Variants in DCAF4 observed in about 807,000 individuals in gnomAD.
The protein encoded by DCAF4 is DDB1 and CUL4 associated factor 4, also known as DDB1- and CUL4-associated factor 4.
DCAF4 carries 37 observed loss-of-function variants against 60.9 expected under a neutral mutation model. The observed-to-expected ratio is 0.61, with a 90% confidence interval of 0.47 to 0.80. The LOEUF (loss-of-function observed/expected upper bound fraction) is 0.80. DCAF4 is among the 30% of genes least tolerant of loss of function. The probability of loss-of-function intolerance (pLI) is 0.00; values close to 1 mark genes in which losing one functional copy is unlikely to be tolerated. For synonymous variants in DCAF4, 243 were observed against 254.8 expected (o/e 0.95, Z 0.44); for missense variants, 577 against 650.0 (o/e 0.89, Z 1.22).
Position 72,958,637 on chromosome 14 carries a change from C to T in DCAF4, c.1320C>T (p.Ile440=). The T allele has an allele frequency of 6.2e-7, 1 of 1,614,208 alleles. No individual in the cohort carries two copies. ...VAVGQDCYTR[I]WSLHDARLLR... ...TGGGCCAGGACTGCTACACGAGAAT[C>T]TGGAGCCTCCACGATGCCCGCCTAC... is the stretch of plus-strand genomic sequence containing the variant. The change falls in exon 14 of 14, where the codon ATC becomes ATT. Residue 440 remains isoleucine, a synonymous_variant. Transcript: ENST00000358377.
In DCAF4 at chr14:72,949,868, C is replaced by G. The variant is rs72734407; in HGVS notation, c.729-1930C>G. On this transcript the variant is annotated intron_variant, in intron 8 of 13. Coordinates refer to ENST00000358377, the MANE Select transcript of DCAF4 (RefSeq NM_015604.4). ...AATATGTGTGGTCATTCAGACAACA[C>G]CTATCGAGTATATGCAGTTGCAAGG... 5.5e-3 allele frequency among the ~76,000 whole-genome samples: 841 copies of G among 152,318 alleles called. 10 individuals are homozygous for G. The highest frequency in any genetic ancestry group is 6.9e-3 in the Non-Finnish European group (471 of 68,040).
rs184655877 is a variant in DCAF4, at chr14:72,940,297, C to A, written c.271C>A (p.Leu91Met). ...LLPGHNNCNP[L>M]TKESIRQKEM... The stretch of plus-strand genomic sequence containing the variant: ...CCCTGGACATAACAACTGCAACCCC[C>A]TGACGAAAGAGAGCATCCGGCAGAA... Residue 91 changes from leucine to methionine, a missense_variant, in exon 4 of 14, where the codon CTG (leucine) becomes ATG (methionine). By Grantham distance (15) the Leu-to-Met change is conservative. Transcript: ENST00000358377. 1 of 1,614,156 alleles carries A rather than the reference C, an allele frequency of 6.2e-7. No homozygotes were observed. The highest frequency in any genetic ancestry group is 8.5e-7 in the Non-Finnish European group (1 of 1,180,032).
intron 2 of DCAF4, 25 bp from the exon 3 acceptor site, chr14:72,939,777 A>G (rs1889771827): frequency 1.1e-5 from 18 of 1,592,088 alleles, no homozygotes; most frequent in East Asian, 4.5e-5. Context: ...CTGGGCTGCA[A>G]GTTAACACAG....
At chr14:72,935,407 A>G (rs997125609) in intron 1 of DCAF4, among the ~76,000 whole-genome samples, 1 of 152,314 alleles carries the variant, frequency 6.6e-6, no homozygotes, top group East Asian at 1.9e-4. Context: ...GGCACCAGCC[A>G]CCACACCCAG....
intron 1 of DCAF4, among the ~76,000 whole-genome samples, chr14:72,928,485 G>T (rs908792406): frequency 6.6e-6 from 1 of 151,188 alleles, no homozygotes; most frequent in Non-Finnish European, 1.5e-5. Flanking sequence ...ATGAGCCACC[G>T]CGCCCGGCCA....
At chr14:72,927,352 T>C (rs1887726842) in intron 1 of DCAF4, among the ~76,000 whole-genome samples, 1 of 5,468 alleles carries the variant, frequency 1.8e-4, no homozygotes, top group African/African-American at 4.3e-4. Context: ...TCTTTTTTTT[T>C]TTTTTTTTTT....
At chr14:72,927,343 CTTTTTT>C (rs547199942) in intron 1 of DCAF4, among the ~76,000 whole-genome samples, 8 of 87,330 alleles carry the variant, frequency 9.2e-5, no homozygotes, top group African/African-American at 2.2e-4. Context: ...CGGTGGTGTT[CTTTTTT>C]TTTTTTTTTT....
chr14:72,954,396 G>C lies in DCAF4; in HGVS notation c.918G>C (p.Arg306=), dbSNP rs373409844. Residue 306 remains arginine, a synonymous_variant, in exon 11 of 14, where the codon CGG becomes CGC. Transcript: ENST00000358377. ...CTCTGTCTCCGCCAGGCTTGTCTCG[G>C]CGGGTCCTGTTGACCAACGTGGTGA... ...ANNCFSTGLS[R]RVLLTNVVTG... is the part of the protein sequence containing the mutation. 3 of 1,613,996 alleles carry C rather than the reference G, an allele frequency of 1.9e-6. No homozygotes were observed. Among genetic ancestry groups the C allele is most frequent in the Admixed American group, 3.3e-5 (2 of 60,002 alleles).
intron 4 of DCAF4, among the ~76,000 whole-genome samples, chr14:72,940,927 G>A (rs1889962474): frequency 6.6e-6 from 1 of 150,820 alleles, no homozygotes; most frequent in African/African-American, 2.4e-5. Flanking sequence ...ATTCCTGAAG[G>A]AATCTTGGGA....
At chr14:72,960,649 A>G (rs1436662841), downstream of DCAF4, 2 of 1,064,044 alleles carry the variant, frequency 1.9e-6, no homozygotes, top group African/African-American at 3.4e-5. Context: ...CATCCTCCAC[A>G]TCTTCAGGAA....
At position 72,936,488 on chromosome 14, in the gene DCAF4, C is replaced by T. The variant is rs575667313; in HGVS notation, c.-8-1483C>T. On this transcript the variant is annotated intron_variant, in intron 1 of 13. Coordinates refer to ENST00000358377, the MANE Select transcript of DCAF4 (RefSeq NM_015604.4). ...CTGAGGCAGGAGAATCGCTTGAACC[C>T]GAGAGGCAGAGGTTGCAGTGAGCTG... 2.8e-4 allele frequency among the ~76,000 whole-genome samples: 42 copies of T among 150,766 alleles called. No homozygotes were observed. The East Asian group carries it at 3.9e-3, about 14-fold the overall frequency.
At chr14:72,951,551 C>T (rs1000390370) in intron 8 of DCAF4, among the ~76,000 whole-genome samples, 2 of 151,988 alleles carry the variant, frequency 1.3e-5, no homozygotes, top group African/African-American at 4.8e-5. Flanking sequence ...GCAGAGGTTG[C>T]GGTAAGCCGA....
At chr14:72,932,335 C>T (rs796086067) in intron 1 of DCAF4, among the ~76,000 whole-genome samples, 11 of 152,254 alleles carry the variant, frequency 7.2e-5, no homozygotes, top group African/African-American at 2.6e-4. Flanking sequence ...ATTTTGGTAA[C>T]AAGGTAATAC....
chr14:72,949,012 C>T (rs1891083046), intron 8 of DCAF4, among the ~76,000 whole-genome samples: 1 of 152,220 alleles, frequency 6.6e-6, no homozygotes, highest in Non-Finnish European at 1.5e-5. Flanking sequence ...TCCTTGCCTT[C>T]CAAACCCAGA....
chr14:72,951,737 T>C (rs1891441742), intron 8 of DCAF4, 61 bp from the exon 9 acceptor site: 1 of 1,538,872 alleles, frequency 6.5e-7, no homozygotes. Context: ...GAAGGGTAAA[T>C]GTCCATGCCT....
rs1890671559 is a variant in DCAF4 at position 72,945,881 on chromosome 14, C to A, written c.535-3C>A. The A allele has an allele frequency of 1.2e-6, 2 of 1,614,074 alleles. No individual in the cohort carries two copies. The highest frequency in any genetic ancestry group is 1.7e-6 in the Non-Finnish European group (2 of 1,180,044). On this transcript the variant is annotated splice_polypyrimidine_tract_variant and splice_region_variant and intron_variant, in intron 6 of 13. Transcript: ENST00000358377. ...TCACCCACTGCCCCCTTCCCTTCTC[C>A]AGGCAGATACCAACAGTGACCGGCT...
intron 4 of DCAF4, chr14:72,940,587 A>ATTTTTT: frequency 3.0e-6 from 1 of 337,480 alleles, no homozygotes; most frequent in African/African-American, 2.6e-5. Flanking sequence ...TTGTTCGATA[A>ATTTTTT]GTTGTTTTTT....
chr14:72,950,034 C>T (rs1271254093), intron 8 of DCAF4, among the ~76,000 whole-genome samples: 1 of 152,084 alleles, frequency 6.6e-6, no homozygotes, highest in African/African-American at 2.4e-5. Context: ...TGGGAGAAAG[C>T]TTGGTATGTT....
intron 3 of DCAF4, 69 bp from the exon 4 acceptor site, chr14:72,940,151 C>T: frequency 6.3e-7 from 1 of 1,594,246 alleles, no homozygotes; most frequent in Non-Finnish European, 8.6e-7. Flanking sequence ...GGACAGGCCA[C>T]TGGGCGCCCA....
Sources: allele counts gnomAD v4.1 joint callset (sites outside exome capture counted in the v4.1 genomes callset), GRCh38; gene constraint gnomAD v4.1.1; transcripts MANE v1.5; gene names NCBI Gene and HGNC (gene_info 2026-07-23, HGNC 2026-07-21).